Variants in ERO1B observed in about 807,000 individuals in gnomAD.
ERO1B encodes the protein endoplasmic reticulum oxidoreductase 1 beta.
Under a neutral mutation model 75.3 loss-of-function variants are expected in ERO1B, and 49 were observed. That is an observed-to-expected ratio of 0.65 (90% CI 0.52 to 0.83). ERO1B has a LOEUF of 0.83. Among genes scored for constraint, ERO1B ranks in the 40% least tolerant of loss-of-function variants. The pLI is 0.00. For missense variants in ERO1B, 512 were observed against 560.1 expected (o/e 0.91, Z 0.87); for synonymous variants, 191 against 192.9 (o/e 0.99, Z 0.08).
intron 2 of ERO1B, among the ~76,000 whole-genome samples, chr1:236,261,424 T>C (rs1308769055): frequency 6.6e-6 from 1 of 152,172 alleles, no homozygotes; most frequent in Non-Finnish European, 1.5e-5. Context: ...CCAAAAAATC[T>C]AGTAATAAAC....
intron 2 of ERO1B, among the ~76,000 whole-genome samples, chr1:236,263,080 C>T (rs1335354778): frequency 6.6e-6 from 1 of 152,140 alleles, no homozygotes; most frequent in East Asian, 1.9e-4. Context: ...CTTGACATCT[C>T]CCTTTGCCCA....
At chr1:236,245,033 C>G (rs908124838) in intron 5 of ERO1B, among the ~76,000 whole-genome samples, 3 of 151,396 alleles carry the variant, frequency 2.0e-5, no homozygotes, top group Admixed American at 1.3e-4. Flanking sequence ...CTCACTGCAC[C>G]CAGGCTGGAG....
rs147544568 is a variant in ERO1B at position 236,272,575 on chromosome 1, C to G, written c.103-2581G>C. Among the ~76,000 whole-genome samples the G allele has an allele frequency of 3.9e-4, 60 of 152,152 alleles. 1 individual carries two copies. The highest frequency in any genetic ancestry group is 1.4e-3 in the African/African-American group (57 of 41,502). On this transcript the variant is annotated intron_variant, in intron 1 of 15. Transcript: ENST00000354619. ...CCCAAAAGGTGAGGAAAGAGGGGGA[C>G]AAGAGCTGAAAAATTCCCTATACCC...
intron 2 of ERO1B, among the ~76,000 whole-genome samples, chr1:236,262,656 C>T (rs1014444839): frequency 2.0e-5 from 3 of 152,114 alleles, no homozygotes; most frequent in Non-Finnish European, 2.9e-5. Flanking sequence ...CCACTAGCCT[C>T]GGCCTCCCAA....
In ERO1B at chr1:236,256,019, G is replaced by A. The variant is rs557422400; in HGVS notation, c.223-2514C>T. On this transcript the variant is annotated intron_variant, in intron 2 of 15. Transcript: ENST00000354619. ...AACAAGCCAGTATCTGGGAACCCAT[G>A]TAGCAAATAAAGAATAAACCTCCTT... Among the ~76,000 whole-genome samples, 9 of 152,326 alleles carry A rather than the reference G, an allele frequency of 5.9e-5. No homozygotes were observed. In the East Asian group the frequency reaches 1.7e-3, roughly 29 times the overall value.
intron 14 of ERO1B, 179 bp downstream of exon 14, chr1:236,221,745 C>T: frequency 1.9e-6 from 1 of 535,802 alleles, no homozygotes; most frequent in African/African-American, 2.0e-5. Context: ...GAGAAACATC[C>T]TTTCACATAC....
intron 9 of ERO1B, among the ~76,000 whole-genome samples, chr1:236,231,326 G>T (rs1434970506): frequency 6.6e-6 from 1 of 152,084 alleles, no homozygotes; most frequent in East Asian, 1.9e-4. Flanking sequence ...AAGAAATGCA[G>T]TAAGTTCAAG....
At chr1:236,243,364 A>C (rs1664760974) in intron 6 of ERO1B, 58 bp downstream of exon 6, 6 of 1,183,012 alleles carry the variant, frequency 5.1e-6, no homozygotes, top group Non-Finnish European at 7.1e-6. Flanking sequence ...ATTGATTAAA[A>C]TGTCTTATAA....
rs1255549581 is a variant in ERO1B at position 236,281,955 on chromosome 1, G to C, written c.-172C>G. ...TCTTTCCCCAACACCCGGCAGCTGCGAGTGAGGCAGGAAAGGCGAGCGCCC... is the reference window on the plus strand; with the variant it reads ...TCTTTCCCCAACACCCGGCAGCTGCCAGTGAGGCAGGAAAGGCGAGCGCCC... On this transcript the variant is annotated 5_prime_UTR_variant, in exon 1 of 16. Transcript: ENST00000354619. 4.8e-6 allele frequency: 2 copies of C among 417,334 alleles called. No homozygotes were observed. Among genetic ancestry groups the C allele is most frequent in the Non-Finnish European group, 4.1e-6 (1 of 243,268 alleles). The allele number at this position is 417,334 out of a possible 1,614,324, so 25.9% of individuals were successfully genotyped here.
intron 1 of ERO1B, among the ~76,000 whole-genome samples, chr1:236,280,997 A>AC (rs1281906707): frequency 6.6e-6 from 1 of 151,972 alleles, no homozygotes; most frequent in African/African-American, 2.4e-5. Context: ...ACCAGCCAGC[A>AC]CCTCACGACT....
chr1:236,249,178 A>T (rs186446093), intron 5 of ERO1B, among the ~76,000 whole-genome samples: 134 of 152,168 alleles, frequency 8.8e-4, no homozygotes, highest in African/African-American at 3.1e-3. Flanking sequence ...GGCACCCGCC[A>T]CCACACCCGG....
Position 236,263,546 on chromosome 1 carries a change from G to A in ERO1B, c.222+6329C>T, listed in dbSNP as rs114483230. The stretch of plus-strand genomic sequence containing the variant: ...TTACAGGTGTGATCCACTGCACCAG[G>A]CCAAAATTCAGTATTTTTATTAGGA... On this transcript the variant is annotated intron_variant, in intron 2 of 15. Transcript: ENST00000354619. Among the ~76,000 whole-genome samples the A allele has an allele frequency of 5.6e-3, 856 of 152,154 alleles. 11 individuals carry two copies. Among genetic ancestry groups the A allele is most frequent in the African/African-American group, 0.018 (762 of 41,498 alleles).
At chr1:236,238,455 T>C (rs576703621) in intron 6 of ERO1B, among the ~76,000 whole-genome samples, 1 of 151,496 alleles carries the variant, frequency 6.6e-6, no homozygotes, top group South Asian at 2.1e-4. Context: ...GGAGGATCAC[T>C]TGAGCCCAGG....
intron 10 of ERO1B, among the ~76,000 whole-genome samples, chr1:236,227,044 G>A (rs1337380215): frequency 6.6e-6 from 1 of 152,118 alleles, no homozygotes; most frequent in Non-Finnish European, 1.5e-5. Flanking sequence ...CAACAGCACA[G>A]GTTTTCTTGT....
chr1:236,223,929 C>T (rs918041400), intron 13 of ERO1B, among the ~76,000 whole-genome samples: 12 of 152,096 alleles, frequency 7.9e-5, no homozygotes, highest in Non-Finnish European at 1.5e-4. Flanking sequence ...AAGAAAGTCT[C>T]GCCAAAGGAG....
rs556008719 is a variant in ERO1B, at chr1:236,219,125, G to C, written c.1344-549C>G. On this transcript the variant is annotated intron_variant, in intron 15 of 15. Coordinates refer to ENST00000354619, the MANE Select transcript of ERO1B (RefSeq NM_019891.4). Reference sequence around the variant, plus strand: ...TAAAAAAGTAATTCTAAAAGCTCAAGTATCCCTATGTACAATTCAGGGGTG... The same window carrying C: ...TAAAAAAGTAATTCTAAAAGCTCAACTATCCCTATGTACAATTCAGGGGTG... 9.8e-5 allele frequency among the ~76,000 whole-genome samples: 15 copies of C among 152,316 alleles called. No homozygotes were observed. The South Asian group carries it at 2.9e-3, about 29-fold the overall frequency.
chr1:236,228,817 T>TC (rs1664334169), intron 10 of ERO1B, among the ~76,000 whole-genome samples: 1 of 152,190 alleles, frequency 6.6e-6, no homozygotes, highest in Non-Finnish European at 1.5e-5. Flanking sequence ...CAGCTGCCTA[T>TC]AAGGGAATGC....
At chr1:236,262,045 C>T (rs540996609) in intron 2 of ERO1B, among the ~76,000 whole-genome samples, 1 of 152,170 alleles carries the variant, frequency 6.6e-6, no homozygotes, top group Non-Finnish European at 1.5e-5. Flanking sequence ...AGCAAAAAAT[C>T]CAAAGGTGGA....
intron 1 of ERO1B, chr1:236,281,463 T>C (rs898823595): frequency 2.6e-6 from 1 of 389,586 alleles, no homozygotes; most frequent in Non-Finnish European, 4.5e-6. Flanking sequence ...TTGACTGCCA[T>C]TACCCGGAGT....
Sources: allele counts gnomAD v4.1 joint callset (sites outside exome capture counted in the v4.1 genomes callset), GRCh38; gene constraint gnomAD v4.1.1; transcripts MANE v1.5; gene names NCBI Gene and HGNC (gene_info 2026-07-23, HGNC 2026-07-21).